The following NCKAP5 variants were observed in gnomAD, a reference collection of about 807,000 sequenced individuals.
NCKAP5 encodes the protein nck-associated protein 5.
Under a neutral mutation model 167.0 loss-of-function variants are expected in NCKAP5, and 92 were observed. The observed-to-expected ratio is 0.55, with a 90% CI of 0.47 to 0.66. The LOEUF (loss-of-function observed/expected upper bound fraction) is 0.66, where lower values mean the gene tolerates loss of function less well. Ranked by LOEUF, NCKAP5 falls within the 30% of genes least tolerant of loss-of-function variation. NCKAP5 has a pLI of 0.00. For missense variants in NCKAP5, 2,378 were observed against 2,315.0 expected (o/e 1.03, Z -0.56); for synonymous variants, 891 against 877.4 (o/e 1.02, Z -0.27).
At chr2:133,659,340 C>T in the NCKAP5 span, among the ~76,000 whole-genome samples, 3 of 152,072 alleles carry the variant, frequency 2.0e-5, no homozygotes, top group Admixed American at 2.0e-4. Context: ...CAAAAATTAC[C>T]TCAAAATGGA....
chr2:133,206,222 T>A (rs552626397), intron 5 of NCKAP5, among the ~76,000 whole-genome samples: 21 of 152,264 alleles, frequency 1.4e-4, no homozygotes, highest in African/African-American at 4.8e-4. Flanking sequence ...TTCCATTTTT[T>A]AAAAAAATTA....
chr2:133,114,119 G>A (rs1004768779), intron 6 of NCKAP5, among the ~76,000 whole-genome samples: 4 of 152,138 alleles, frequency 2.6e-5, no homozygotes, highest in African/African-American at 9.7e-5. Context: ...GTAAATATTA[G>A]GAGTAGGACT....
intron 11 of NCKAP5, among the ~76,000 whole-genome samples, chr2:132,855,333 C>A (rs1012743436): frequency 1.3e-5 from 2 of 152,218 alleles, no homozygotes; most frequent in Non-Finnish European, 2.9e-5. Flanking sequence ...TGCAGGATGA[C>A]AGGCTCACCA....
At chr2:132,818,675 G>A (rs1043180180) in intron 11 of NCKAP5, among the ~76,000 whole-genome samples, 13 of 152,178 alleles carry the variant, frequency 8.5e-5, no homozygotes, top group Non-Finnish European at 5.9e-5. Flanking sequence ...GTGACAGAGT[G>A]TGACCTAGAA....
chr2:132,997,324 C>T (rs2077632895), intron 6 of NCKAP5, among the ~76,000 whole-genome samples: 1 of 152,134 alleles, frequency 6.6e-6, no homozygotes, highest in African/African-American at 2.4e-5. Flanking sequence ...TACGAGTACT[C>T]TAAAAATGAT....
At chr2:133,133,141 G>T (rs1325852054) in intron 5 of NCKAP5, among the ~76,000 whole-genome samples, 1 of 152,176 alleles carries the variant, frequency 6.6e-6, no homozygotes, top group Admixed American at 6.5e-5. Flanking sequence ...AGCAGAAAGT[G>T]TGAAAGGCAA....
rs942475466 is a variant in NCKAP5, at chr2:133,483,218, T to A, written c.69+34240A>T. ...ATTTTTCTAAAATCTGCATCCCAAA[T>A]TGCAAATGGAAAAATCTACATTATT... On this transcript the variant is annotated intron_variant, in intron 3 of 19. Transcript: ENST00000409261. 4.6e-5 allele frequency among the ~76,000 whole-genome samples: 7 copies of A among 152,182 alleles called. No homozygotes were observed. In the East Asian group the frequency reaches 1.3e-3, roughly 29 times the overall value.
intron 3 of NCKAP5, among the ~76,000 whole-genome samples, chr2:133,413,461 T>C (rs554945757): frequency 2.0e-5 from 3 of 152,302 alleles, no homozygotes; most frequent in East Asian, 3.9e-4. Context: ...CAGTGTATCA[T>C]ATCAGTGTCA....
At chr2:132,727,947 A>G (rs920310081) in intron 18 of NCKAP5, among the ~76,000 whole-genome samples, 2 of 152,176 alleles carry the variant, frequency 1.3e-5, no homozygotes, top group Non-Finnish European at 2.9e-5. Context: ...GTATCTCATC[A>G]TCATAGTTGG....
chr2:133,166,107 T>C (rs1338650524), intron 5 of NCKAP5, among the ~76,000 whole-genome samples: 2 of 151,984 alleles, frequency 1.3e-5, no homozygotes, highest in East Asian at 3.9e-4. Context: ...GTGAGGTCCA[T>C]CAGAGAAAGT....
intron 3 of NCKAP5, among the ~76,000 whole-genome samples, chr2:133,335,073 C>A (rs1183635437): frequency 6.6e-6 from 1 of 152,136 alleles, no homozygotes; most frequent in Admixed American, 6.6e-5. Context: ...TTAAGTTTCA[C>A]ACGGCCCAGT....
At position 133,097,581 on chromosome 2, in the gene NCKAP5, A is replaced by C. The variant is rs181726313; in HGVS notation, c.341+32397T>G. ...CAGAACCTTTACTCGGGATTCAATA[A>C]GAAAGAAAGGAAAATGCAAGTTCCT... On this transcript the variant is annotated intron_variant, in intron 6 of 19. Coordinates refer to ENST00000409261, the MANE Select transcript of NCKAP5 (RefSeq NM_207363.3). Among the ~76,000 whole-genome samples, 741 of 152,326 alleles carry C rather than the reference A, an allele frequency of 4.9e-3. 2 individuals carry two copies. The highest frequency in any genetic ancestry group is 7.8e-3 in the Non-Finnish European group (530 of 68,028).
chr2:133,402,909 T>G (rs1688191851), intron 3 of NCKAP5, among the ~76,000 whole-genome samples: 1 of 152,196 alleles, frequency 6.6e-6, no homozygotes, highest in African/African-American at 2.4e-5. Flanking sequence ...TGACAATGCA[T>G]CCTGACTTAC....
chr2:132,726,868 C>T (rs1690500932), intron 18 of NCKAP5, among the ~76,000 whole-genome samples: 1 of 152,192 alleles, frequency 6.6e-6, no homozygotes, highest in Non-Finnish European at 1.5e-5. Flanking sequence ...AGGACTAAGT[C>T]CATGAAGAAA....
At chr2:133,397,972 G>A (rs1687839755) in intron 3 of NCKAP5, among the ~76,000 whole-genome samples, 3 of 152,122 alleles carry the variant, frequency 2.0e-5, no homozygotes, top group Non-Finnish European at 2.9e-5. Context: ...GACAAGTCCT[G>A]TATTAAGGAG....
intron 4 of NCKAP5, among the ~76,000 whole-genome samples, chr2:133,232,018 C>T (rs1336143273): frequency 6.6e-6 from 1 of 152,164 alleles, no homozygotes; most frequent in Admixed American, 6.5e-5. Context: ...AATGATAAAA[C>T]TCAGATATGT....
the NCKAP5 span, among the ~76,000 whole-genome samples, chr2:133,576,468 C>T: frequency 1.3e-5 from 2 of 152,180 alleles, no homozygotes; most frequent in African/African-American, 4.8e-5. Context: ...GAGTCATTCA[C>T]CAAACATTAT....
chr2:133,004,838 C>T (rs1302607107), intron 6 of NCKAP5, among the ~76,000 whole-genome samples: 2 of 152,176 alleles, frequency 1.3e-5, no homozygotes, highest in Non-Finnish European at 2.9e-5. Flanking sequence ...ATAAGAGAGA[C>T]ACTCCCAGAG....
chr2:133,043,635 A>G (rs2079289529), intron 6 of NCKAP5, among the ~76,000 whole-genome samples: 1 of 152,212 alleles, frequency 6.6e-6, no homozygotes, highest in South Asian at 2.1e-4. Context: ...AGGTTAGACA[A>G]GCTTGCTCTA....
Sources: gnomAD v4.1 joint callset for allele counts (sites outside exome capture counted in the v4.1 genomes callset) on GRCh38, gnomAD v4.1.1 for gene constraint, MANE v1.5 for transcripts, NCBI Gene and HGNC (gene_info 2026-07-23, HGNC 2026-07-21) for gene names.